RABGAP1: variants seen among roughly 807,000 people sequenced by gnomAD.
The protein encoded by RABGAP1 is RAB GTPase activating protein 1, also known as rab GTPase-activating protein 1.
In RABGAP1, 23 loss-of-function variants were observed where a neutral mutation model predicts 137.6. The ratio of observed to expected loss-of-function variants is 0.17; its 90% confidence interval spans 0.12 to 0.24. RABGAP1 has a LOEUF of 0.24. RABGAP1 is among the 10% of genes least tolerant of loss of function. The pLI is 1.00. For synonymous variants in RABGAP1, 451 were observed against 450.7 expected, an observed-to-expected ratio of 1.00 and a Z score of -0.01; for missense variants, 906 against 1,275.8, an observed-to-expected ratio of 0.71 and a Z score of 4.42.
At chr9:123,058,039 C>T (rs892664684) in intron 13 of RABGAP1, among the ~76,000 whole-genome samples, 4 of 68,352 alleles carry the variant, frequency 5.9e-5, no homozygotes, top group African/African-American at 1.0e-4. Context: ...AGAGGGAGAC[C>T]GTGGAAAGAG....
At chr9:122,975,939 T>A (rs369301289) in intron 2 of RABGAP1, among the ~76,000 whole-genome samples, 18 of 152,336 alleles carry the variant, frequency 1.2e-4, no homozygotes, top group African/African-American at 3.8e-4. Context: ...AGATATGTCT[T>A]ACTTGGGAGT....
At chr9:122,985,302 G>T (rs1228615671) in intron 3 of RABGAP1, among the ~76,000 whole-genome samples, 2 of 152,160 alleles carry the variant, frequency 1.3e-5, no homozygotes, top group African/African-American at 4.8e-5. Context: ...AGAAATAATT[G>T]TAACAGTGCA....
At chr9:123,098,542 C>G (rs2035251047) in intron 22 of RABGAP1, among the ~76,000 whole-genome samples, 173 bp from the exon 23 acceptor site, 1 of 152,178 alleles carries the variant, frequency 6.6e-6, no homozygotes, top group African/African-American at 2.4e-5. Context: ...CCCTCTCCTG[C>G]ATCAGGAACA....
chr9:123,016,232 T>C (rs1430233678), intron 12 of RABGAP1, among the ~76,000 whole-genome samples: 1 of 152,044 alleles, frequency 6.6e-6, no homozygotes, highest in Non-Finnish European at 1.5e-5. Flanking sequence ...TCAGGATGGG[T>C]GTAGTGGTTC....
intron 6 of RABGAP1, chr9:122,990,908 T>G (rs903237238): frequency 7.5e-5 from 11 of 146,392 alleles, no homozygotes; most frequent in Non-Finnish European, 1.6e-4. Context: ...TTTAGTTGGT[T>G]GATTTACTTA....
intron 13 of RABGAP1, among the ~76,000 whole-genome samples, chr9:123,028,739 C>T (rs191068858): frequency 6.6e-6 from 1 of 152,284 alleles, no homozygotes; most frequent in African/African-American, 2.4e-5. Flanking sequence ...GTTTATAAGG[C>T]AGTATGCAAA....
At chr9:123,090,744 C>T (rs1250204970) in intron 21 of RABGAP1, among the ~76,000 whole-genome samples, 1 of 152,146 alleles carries the variant, frequency 6.6e-6, no homozygotes, top group Non-Finnish European at 1.5e-5. Flanking sequence ...TTTTGTTATC[C>T]TACATATTTG....
At chr9:123,012,649 G>A (rs950132435) in intron 11 of RABGAP1, among the ~76,000 whole-genome samples, 1 of 152,218 alleles carries the variant, frequency 6.6e-6, no homozygotes, top group African/African-American at 2.4e-5. Context: ...GGGAAATCAT[G>A]GAACACTAGA....
At chr9:123,035,215 A>G (rs1457956379) in intron 13 of RABGAP1, 2 of 1,614,060 alleles carry the variant, frequency 1.2e-6, no homozygotes, top group Non-Finnish European at 1.7e-6. Flanking sequence ...CATCTTCCGC[A>G]TCTGCCAACA....
intron 12 of RABGAP1, among the ~76,000 whole-genome samples, chr9:123,016,824 G>C (rs1388456271): frequency 6.6e-6 from 1 of 152,154 alleles, no homozygotes; most frequent in Admixed American, 6.5e-5. Flanking sequence ...CTGTGTCTCA[G>C]AATTTTAAAG....
intron 13 of RABGAP1, among the ~76,000 whole-genome samples, chr9:123,061,013 A>T (rs1280330691): frequency 6.6e-6 from 1 of 152,258 alleles, no homozygotes; most frequent in Non-Finnish European, 1.5e-5. Flanking sequence ...CATGCTGACC[A>T]TAACAAATTA....
intron 11 of RABGAP1, 43 bp from the exon 12 acceptor site, chr9:123,015,500 T>A: frequency 7.8e-7 from 1 of 1,283,536 alleles, no homozygotes. Context: ...CTGGCTAGCA[T>A]AGCCATCTCT....
At chr9:123,076,895 A>G (rs1018794538) in intron 19 of RABGAP1, 133 bp downstream of exon 19, 1 of 492,770 alleles carries the variant, frequency 2.0e-6, no homozygotes, top group Non-Finnish European at 2.7e-6. Context: ...TAACATTTAT[A>G]ATATATAAAT....
chr9:123,010,332 ATAAT>A lies in RABGAP1; in HGVS notation c.1375-21_1375-18del, dbSNP rs759358374. The stretch of plus-strand genomic sequence containing the variant: ...CATAAAGAACTTTACTGCTTAATAA[ATAAT>A]ATTTTTTCATCTTCAAGATAAAGCA... On this transcript the variant is annotated intron_variant, in intron 10 of 25. Transcript: ENST00000373647. 6.3e-7 allele frequency: 1 copy of A among 1,576,612 alleles called. No individual in the cohort carries two copies. Among genetic ancestry groups the A allele is most frequent in the Non-Finnish European group, 8.7e-7 (1 of 1,155,156 alleles).
chr9:122,937,102 G>A (rs752117339), upstream of RABGAP1, among the ~76,000 whole-genome samples: 1 of 152,190 alleles, frequency 6.6e-6, no homozygotes, highest in Non-Finnish European at 1.5e-5. Context: ...TTAATTGGTT[G>A]TTACTGGGCA....
At chr9:123,097,292 C>T (rs1198303086) in intron 21 of RABGAP1, among the ~76,000 whole-genome samples, 3 of 152,124 alleles carry the variant, frequency 2.0e-5, no homozygotes, top group South Asian at 2.1e-4. Context: ...AAATGCCAGA[C>T]GGGTTGGATG....
At chr9:123,049,290 TTTGTTG>T (rs201223630) in intron 13 of RABGAP1, among the ~76,000 whole-genome samples, 1 of 152,018 alleles carries the variant, frequency 6.6e-6, no homozygotes, top group Non-Finnish European at 1.5e-5. Flanking sequence ...TATGGTGTTT[TTTGTTG>T]TTGTTGTTGT....
At chr9:122,945,147 C>CTTTTTGTTTTTTTTTTTTTTTTTT (rs1833873609) in intron 1 of RABGAP1, among the ~76,000 whole-genome samples, 1 of 75,772 alleles carries the variant, frequency 1.3e-5, no homozygotes, top group Non-Finnish European at 2.9e-5. Flanking sequence ...ATAGCTGTTG[C>CTTTTTGTTTTTTTTTTTTTTTTTT]TTTTTTTTTT....
chr9:123,097,909 G>A, intron 22 of RABGAP1, 64 bp downstream of exon 22: 1 of 1,423,364 alleles, frequency 7.0e-7, no homozygotes, highest in Non-Finnish European at 9.6e-7. Context: ...TTCAGCTGGT[G>A]GCTTCCTGTT....
Sources: gnomAD v4.1 joint callset for allele counts (sites outside exome capture counted in the v4.1 genomes callset) on GRCh38, gnomAD v4.1.1 for gene constraint, MANE v1.5 for transcripts, NCBI Gene and HGNC (gene_info 2026-07-23, HGNC 2026-07-21) for gene names.